Variants in NETO2 observed in about 807,000 individuals in gnomAD.
NETO2 encodes the protein neuropilin and tolloid-like protein 2.
Under a neutral mutation model 62.5 loss-of-function variants are expected in NETO2, and 28 were observed. That is an observed-to-expected ratio of 0.45 (90% CI 0.33 to 0.61). NETO2 has a LOEUF of 0.61. Ranked by LOEUF, NETO2 falls within the 20% of genes least tolerant of loss-of-function variation. The probability of loss-of-function intolerance (pLI) is 0.02; values close to 1 mark genes in which losing one functional copy is unlikely to be tolerated. For missense variants in NETO2, 548 were observed against 643.2 expected, an observed-to-expected ratio of 0.85 and a Z score of 1.60; for synonymous variants, 214 against 219.1, an observed-to-expected ratio of 0.98 and a Z score of 0.21.
intron 7 of NETO2, among the ~76,000 whole-genome samples, chr16:47,097,790 G>C (rs898330102): frequency 3.3e-5 from 5 of 152,170 alleles, no homozygotes; most frequent in African/African-American, 1.2e-4. Flanking sequence ...CTGGCATCTG[G>C]TGGGTGCCCT....
At chr16:47,113,585 CTTTTTTTTTTT>C (rs953891691) in intron 6 of NETO2, among the ~76,000 whole-genome samples, 1 of 106,642 alleles carries the variant, frequency 9.4e-6, no homozygotes, top group African/African-American at 3.6e-5. Context: ...ACAGTTTATT[CTTTTTTTTTTT>C]TTTTTTTTTT....
At chr16:47,129,692 C>T (rs548509895) in intron 2 of NETO2, among the ~76,000 whole-genome samples, 5 of 152,246 alleles carry the variant, frequency 3.3e-5, no homozygotes, top group Admixed American at 3.3e-4. Flanking sequence ...AAAGGCATCC[C>T]AGGAGCTGAT....
At chr16:47,126,008 C>T (rs1319121731) in intron 4 of NETO2, among the ~76,000 whole-genome samples, 2 of 152,196 alleles carry the variant, frequency 1.3e-5, no homozygotes, top group Admixed American at 1.3e-4. Flanking sequence ...CCCCCACATA[C>T]CCTGATAACC....
chr16:47,098,221 A>C (rs1331429130), intron 7 of NETO2, among the ~76,000 whole-genome samples: 1 of 152,162 alleles, frequency 6.6e-6, no homozygotes, highest in Non-Finnish European at 1.5e-5. Context: ...GGTAATAACA[A>C]ACTTCTCCGA....
chr16:47,123,215 TA>T (rs1422570956), intron 4 of NETO2, among the ~76,000 whole-genome samples: 2 of 152,252 alleles, frequency 1.3e-5, no homozygotes, highest in Non-Finnish European at 2.9e-5. Context: ...TATTTGGCCT[TA>T]AAAAGGAATG....
intron 6 of NETO2, among the ~76,000 whole-genome samples, chr16:47,112,370 C>T (rs1020051181): frequency 2.0e-5 from 3 of 152,034 alleles, no homozygotes; most frequent in African/African-American, 7.2e-5. Flanking sequence ...TGTTTGTTTT[C>T]TTTTTTTAGA....
At chr16:47,103,828 A>G (rs554541865) in intron 7 of NETO2, among the ~76,000 whole-genome samples, 17 of 152,372 alleles carry the variant, frequency 1.1e-4, no homozygotes, top group African/African-American at 4.1e-4. Flanking sequence ...GACAAAATTC[A>G]ACAGGCTTTC....
intron 1 of NETO2, among the ~76,000 whole-genome samples, chr16:47,138,129 C>T (rs922371577): frequency 3.3e-5 from 5 of 152,112 alleles, no homozygotes; most frequent in Non-Finnish European, 7.4e-5. Flanking sequence ...GGGCCAGGCG[C>T]GGTGACTCAC....
At chr16:47,106,899 A>G (rs1216856984) in intron 7 of NETO2, among the ~76,000 whole-genome samples, 1 of 151,566 alleles carries the variant, frequency 6.6e-6, no homozygotes. Flanking sequence ...TTCATGCCTC[A>G]CCCTGCCCAG....
chr16:47,129,570 G>GT (rs1964224376), intron 2 of NETO2, among the ~76,000 whole-genome samples: 1 of 152,162 alleles, frequency 6.6e-6, no homozygotes. Flanking sequence ...AGTTTGCCGT[G>GT]TAAGAGAACA....
chr16:47,142,885 A>G (rs1427586823), intron 1 of NETO2, among the ~76,000 whole-genome samples: 1 of 152,182 alleles, frequency 6.6e-6, no homozygotes, highest in Non-Finnish European at 1.5e-5. Flanking sequence ...ACCGAACACC[A>G]GCGGCGGGGA....
At chr16:47,131,401 T>A (rs916674523) in intron 2 of NETO2, among the ~76,000 whole-genome samples, 1 of 152,186 alleles carries the variant, frequency 6.6e-6, no homozygotes, top group African/African-American at 2.4e-5. Context: ...AGCAGGAAGT[T>A]AAGTAGGGCA....
intron 6 of NETO2, among the ~76,000 whole-genome samples, chr16:47,111,233 G>C (rs1963794327): frequency 6.6e-6 from 1 of 152,168 alleles, no homozygotes; most frequent in African/African-American, 2.4e-5. Flanking sequence ...GACTAGGCTT[G>C]TAAAACTATG....
At chr16:47,086,779 T>C (rs11858995) in intron 7 of NETO2, among the ~76,000 whole-genome samples, 3,395 of 152,282 alleles carry the variant, frequency 0.022, 121 homozygotes, top group African/African-American at 0.076. Context: ...TCCAGCAATT[T>C]TACTTTTAGC....
chr16:47,091,411 C>A (rs1344325029), intron 7 of NETO2, among the ~76,000 whole-genome samples: 1 of 152,078 alleles, frequency 6.6e-6, no homozygotes, highest in East Asian at 1.9e-4. Context: ...AGAAGAATTT[C>A]TCATCATGGA....
At chr16:47,122,542 T>C in intron 6 of NETO2, 115 bp downstream of exon 6, 1 of 1,074,006 alleles carries the variant, frequency 9.3e-7, no homozygotes, top group Non-Finnish European at 1.3e-6. Flanking sequence ...TTTTAAAAAG[T>C]TGCAGTATCA....
At chr16:47,088,830 C>A (rs949611034) in intron 7 of NETO2, among the ~76,000 whole-genome samples, 1 of 152,134 alleles carries the variant, frequency 6.6e-6, no homozygotes, top group Non-Finnish European at 1.5e-5. Context: ...CTGCCTTACC[C>A]ACTTTGTCTA....
rs550801703 is a variant in NETO2 at position 47,104,345 on chromosome 16, C to A, written c.883+5138G>T. On this transcript the variant is annotated intron_variant, in intron 7 of 8. Transcript: ENST00000562435. The stretch of plus-strand genomic sequence containing the variant: ...ACTAAGGGGGCAAAACATTTGTATG[C>A]TGAAAACTACAAAACATTGCTGAAT... 6.7e-4 allele frequency among the ~76,000 whole-genome samples: 102 copies of A among 152,190 alleles called. 1 individual carries two copies. Among genetic ancestry groups the A allele is most frequent in the African/African-American group, 2.3e-3 (97 of 41,516 alleles).
rs1963183563 is a variant in NETO2, at chr16:47,086,096, A to C, written c.997+130T>G. On this transcript the variant is annotated intron_variant, in intron 8 of 8. Transcript: ENST00000562435. ...ACTCCAGCCTGGGCGACAGAGCAGG[A>C]CTCCGTCTCAAACAAACAAACAAAA... 4 of 691,732 alleles carry C rather than the reference A, an allele frequency of 5.8e-6. No individual in the cohort carries two copies. In the Admixed American group the frequency reaches 8.9e-5, roughly 15 times the overall value. 42.8% of individuals were successfully genotyped at this position (691,732 alleles called of 1,614,324 possible). A position where few individuals can be genotyped will look rare whatever the true frequency, so the allele number is the denominator to read the frequency against.
Sources: gnomAD v4.1 joint callset for allele counts (sites outside exome capture counted in the v4.1 genomes callset) on GRCh38, gnomAD v4.1.1 for gene constraint, MANE v1.5 for transcripts, NCBI Gene and HGNC (gene_info 2026-07-23, HGNC 2026-07-21) for gene names.